The following TEX9 variants were observed in gnomAD, a reference collection of about 807,000 sequenced individuals.
TEX9 encodes the protein testis expressed 9.
A neutral mutation model predicts 59.6 loss-of-function variants in TEX9; 74 were observed. The observed-to-expected ratio is 1.24, with a 90% confidence interval of 1.03 to 1.51. The LOEUF is 1.51. Among genes scored for constraint, TEX9 ranks in the 40% most tolerant of loss-of-function variants. The pLI is 0.00. For synonymous variants in TEX9, 186 were observed against 152.2 expected, an observed-to-expected ratio of 1.22 and a Z score of -1.64; for missense variants, 522 against 447.8, an observed-to-expected ratio of 1.17 and a Z score of -1.49.
chr15:56,327,571 T>C (rs2046045745), intron 1 of TEX9, among the ~76,000 whole-genome samples: 2 of 152,178 alleles, frequency 1.3e-5, no homozygotes, highest in African/African-American at 2.4e-5. Context: ...TACCTGATTT[T>C]AACTTCATAC....
At chr15:56,332,231 CAAT>C (rs2046162678) in intron 1 of TEX9, among the ~76,000 whole-genome samples, 1 of 148,176 alleles carries the variant, frequency 6.7e-6, no homozygotes, top group Admixed American at 6.8e-5. Context: ...AAATGTCCAA[CAAT>C]GATAGACTGG....
At chr15:56,368,111 G>A (rs2047027826) in intron 2 of TEX9, among the ~76,000 whole-genome samples, 1 of 152,088 alleles carries the variant, frequency 6.6e-6, no homozygotes, top group Admixed American at 6.5e-5. Flanking sequence ...TACATTTGAG[G>A]TTTGCTCTAG....
At chr15:56,432,120 G>A (rs1314380986) in intron 12 of TEX9, among the ~76,000 whole-genome samples, 6 of 152,100 alleles carry the variant, frequency 3.9e-5, no homozygotes, top group Non-Finnish European at 8.8e-5. Flanking sequence ...TTATAAAGAG[G>A]AGATACAGGA....
At chr15:56,452,579 C>G in the TEX9 span, among the ~76,000 whole-genome samples, 1 of 149,824 alleles carries the variant, frequency 6.7e-6, no homozygotes, top group East Asian at 2.0e-4. Flanking sequence ...AGTGCAGTGG[C>G]GCGATCTTGG....
intron 1 of TEX9, among the ~76,000 whole-genome samples, chr15:56,260,396 C>T (rs1375006331): frequency 2.0e-5 from 3 of 152,022 alleles, no homozygotes; most frequent in Non-Finnish European, 2.9e-5. Flanking sequence ...TTAAAAAGTT[C>T]GCTTATATTT....
chr15:56,431,133 GATAA>G (rs2050581622), intron 12 of TEX9, among the ~76,000 whole-genome samples: 2 of 152,124 alleles, frequency 1.3e-5, no homozygotes, highest in African/African-American at 4.8e-5. Flanking sequence ...CAGCCTGGGC[GATAA>G]ATAAGGTACA....
chr15:56,423,989 G>A (rs761260568), intron 10 of TEX9, among the ~76,000 whole-genome samples: 2 of 152,022 alleles, frequency 1.3e-5, no homozygotes. Flanking sequence ...TACTCTTTAT[G>A]TCTCTTAAAT....
intron 4 of TEX9, among the ~76,000 whole-genome samples, chr15:56,386,724 C>T (rs763792126): frequency 2.0e-4 from 30 of 151,666 alleles, no homozygotes; most frequent in Non-Finnish European, 3.7e-4. Flanking sequence ...TAAGATTAGA[C>T]ATGATGTTTA....
chr15:56,348,931 C>CTT (rs34365788), intron 1 of TEX9, among the ~76,000 whole-genome samples: 25 of 151,618 alleles, frequency 1.6e-4, no homozygotes, highest in African/African-American at 5.1e-4. Context: ...ACCATTTTCT[C>CTT]TTTTTTTTCT....
Position 56,321,413 on chromosome 15 carries a change from A to G in TEX9, c.-106-52028A>G, listed in dbSNP as rs1369266917. Among the ~76,000 whole-genome samples the G allele has an allele frequency of 1.3e-5, 2 of 152,220 alleles. 1 individual carries two copies. Among genetic ancestry groups the G allele is most frequent in the Admixed American group, 1.3e-4 (2 of 15,272 alleles). ...TTCAGGAACTGCATAGGCAAGTAGC[A>G]TTTTGCAGACATCATTAGAGTAACC... On this transcript the variant is annotated intron_variant, in intron 1 of 5. Coordinates refer to the TEX9 transcript ENST00000560827.
At chr15:56,326,616 A>G (rs2046024967) in intron 1 of TEX9, among the ~76,000 whole-genome samples, 1 of 152,212 alleles carries the variant, frequency 6.6e-6, no homozygotes. Context: ...AGAAGAGTAA[A>G]GGAGTAATAT....
At chr15:56,324,888 A>T (rs1204545704) in intron 1 of TEX9, among the ~76,000 whole-genome samples, 1 of 152,182 alleles carries the variant, frequency 6.6e-6, no homozygotes, top group East Asian at 1.9e-4. Context: ...CTTCTTACTG[A>T]AGAACATGTG....
chr15:56,397,499 T>C (rs2048537543), intron 9 of TEX9: 1 of 152,272 alleles, frequency 6.6e-6, no homozygotes, highest in Non-Finnish European at 1.5e-5. Flanking sequence ...AGGAGCTGAA[T>C]GTTAATCCCC....
At position 56,332,760 on chromosome 15, in the gene TEX9, G is replaced by A. The variant is rs189856955; in HGVS notation, c.-106-40681G>A. On this transcript the variant is annotated intron_variant, in intron 1 of 5. Transcript: ENST00000560827. ...AAATTGGTTTTTGAAAAGAAAAAATGTACAAACCGTTAGCCAGAATAACTA... is the reference window on the plus strand; with the variant it reads ...AAATTGGTTTTTGAAAAGAAAAAATATACAAACCGTTAGCCAGAATAACTA... Among the ~76,000 whole-genome samples the A allele has an allele frequency of 2.3e-3, 350 of 151,892 alleles. 1 individual carries two copies. The highest frequency in any genetic ancestry group is 3.7e-3 in the Non-Finnish European group (252 of 67,950).
At chr15:56,427,552 T>G in intron 10 of TEX9, 53 bp from the exon 11 acceptor site, 1 of 1,240,898 alleles carries the variant, frequency 8.1e-7, no homozygotes, top group Non-Finnish European at 1.1e-6. Context: ...CTATAATTCT[T>G]TCCATTGAGG....
chr15:56,343,845 C>A (rs2046416943), intron 1 of TEX9, among the ~76,000 whole-genome samples: 1 of 152,010 alleles, frequency 6.6e-6, no homozygotes, highest in African/African-American at 2.4e-5. Context: ...TCCAATGGAT[C>A]CAGTGGGCAA....
At chr15:56,339,383 CAAAA>C (rs71456382) in intron 1 of TEX9, among the ~76,000 whole-genome samples, 25 of 30,762 alleles carry the variant, frequency 8.1e-4, no homozygotes, top group African/African-American at 2.6e-3. Flanking sequence ...ACTCCTTCTC[CAAAA>C]AAAAAAAAAA....
rs1354111724 is a variant in TEX9, at chr15:56,273,685, T to G, written c.-107+29407T>G. Among the ~76,000 whole-genome samples the G allele has an allele frequency of 3.9e-5, 6 of 152,370 alleles. No homozygotes were observed. The East Asian group carries it at 1.2e-3, about 29-fold the overall frequency. On this transcript the variant is annotated intron_variant, in intron 1 of 5. Transcript: ENST00000560827. Reference sequence around the variant, plus strand: ...AAAGTCTTTATTTCTTCTTTATGTATGAAAGATAGTTCTGCAACATATAAA... The same window carrying G: ...AAAGTCTTTATTTCTTCTTTATGTAGGAAAGATAGTTCTGCAACATATAAA...
intron 1 of TEX9, among the ~76,000 whole-genome samples, chr15:56,273,287 G>A (rs1367798008): frequency 6.6e-6 from 1 of 151,992 alleles, no homozygotes; most frequent in South Asian, 2.1e-4. Context: ...TCTACTATTG[G>A]TTTACTTATA....
Sources: allele counts gnomAD v4.1 joint callset (sites outside exome capture counted in the v4.1 genomes callset), GRCh38; gene constraint gnomAD v4.1.1; transcripts MANE v1.5; gene names NCBI Gene and HGNC (gene_info 2026-07-23, HGNC 2026-07-21).